Variants in UNC13B observed in about 807,000 individuals in gnomAD.
UNC13B encodes protein unc-13 homolog B.
UNC13B carries 144 observed loss-of-function variants against 211.0 expected under a neutral mutation model. That is an observed-to-expected ratio of 0.68 (90% CI 0.60 to 0.78). The LOEUF (loss-of-function observed/expected upper bound fraction) is 0.78. UNC13B is among the 30% of genes least tolerant of loss of function. UNC13B has a pLI of 0.00. For missense variants in UNC13B, 1,777 were observed against 2,002.0 expected (o/e 0.89, Z 2.14); for synonymous variants, 709 against 725.8 (o/e 0.98, Z 0.37).
At chr9:35,180,482 CTTTTTT>C (rs545028895) in intron 1 of UNC13B, among the ~76,000 whole-genome samples, 1 of 148,434 alleles carries the variant, frequency 6.7e-6, no homozygotes, top group Non-Finnish European at 1.5e-5. Flanking sequence ...ACAATTTATT[CTTTTTT>C]TTTTACTTGC....
At chr9:35,227,930 A>G (rs369183429) in intron 1 of UNC13B, 85 bp from the exon 2 acceptor site, 24 of 1,139,796 alleles carry the variant, frequency 2.1e-5, no homozygotes, top group Non-Finnish European at 3.1e-5. Flanking sequence ...TAGTTCTAAC[A>G]TTGGTATGTA....
intron 11 of UNC13B, among the ~76,000 whole-genome samples, chr9:35,330,889 C>T (rs920248108): frequency 6.6e-6 from 1 of 152,094 alleles, no homozygotes; most frequent in Non-Finnish European, 1.5e-5. Context: ...CAAGGGATGC[C>T]ATAATGTCAT....
chr9:35,397,712 G>A lies in UNC13B; in HGVS notation c.11754G>A (p.Leu3918=). The A allele has an allele frequency of 6.2e-7, 1 of 1,613,926 alleles. No homozygotes were observed. Among genetic ancestry groups the A allele is most frequent in the East Asian group, 2.2e-5 (1 of 44,880 alleles). ...DFPAYCTKEK[L]PCILMNNVQQ... ...CAGCCTATTGCACAAAGGAGAAACT[G>A]GTAGGTTCAGGCCCTGGGACTCTTA... Residue 3918 remains leucine, a splice_region_variant and synonymous_variant, in exon 30 of 40, where the codon CTG becomes CTA. Coordinates refer to ENST00000635942, the MANE Select transcript of UNC13B (RefSeq NM_001371189.2).
At chr9:35,272,828 C>G (rs552420826) in intron 7 of UNC13B, among the ~76,000 whole-genome samples, 1 of 152,198 alleles carries the variant, frequency 6.6e-6, no homozygotes, top group South Asian at 2.1e-4. Context: ...TGCAGTGTAC[C>G]TTTTATTAAT....
chr9:35,292,622 A>T (rs1318239632), intron 7 of UNC13B, among the ~76,000 whole-genome samples: 2 of 152,222 alleles, frequency 1.3e-5, no homozygotes, highest in Admixed American at 6.5e-5. Context: ...TTGCATAGCA[A>T]TTCAATATTT....
intron 37 of UNC13B, 69 bp from the exon 38 acceptor site, chr9:35,403,098 C>T: frequency 1.4e-6 from 2 of 1,457,288 alleles, no homozygotes; most frequent in Non-Finnish European, 1.9e-6. Flanking sequence ...AGGGTGGTGA[C>T]CTCCTCACCC....
In UNC13B at chr9:35,316,639, C is replaced by T. The variant is rs145041212; in HGVS notation, c.9414+2650C>T. On this transcript the variant is annotated intron_variant, in intron 11 of 39. Transcript: ENST00000635942. ...ATGAAGATTTTCAATGAGTTTTGAA[C>T]TTACTTGTTAAAAATATGAAAATAT... 2.4e-3 allele frequency among the ~76,000 whole-genome samples: 359 copies of T among 152,114 alleles called. 2 individuals carry two copies. The highest frequency in any genetic ancestry group is 8.2e-3 in the African/African-American group (341 of 41,494).
Position 35,273,830 on chromosome 9 carries a change from G to A in UNC13B, c.526+14780G>A, listed in dbSNP as rs570803407. On this transcript the variant is annotated intron_variant, in intron 7 of 39. Transcript: ENST00000635942. Reference sequence around the variant, plus strand: ...GTTGGCCGCCTCTCAATGGAGGCTAGGACTTGCTTTCGTAGTTGGGTCTTA... The same window carrying A: ...GTTGGCCGCCTCTCAATGGAGGCTAAGACTTGCTTTCGTAGTTGGGTCTTA... Among the ~76,000 whole-genome samples, 36 of 152,356 alleles carry A rather than the reference G, an allele frequency of 2.4e-4. No individual in the cohort carries two copies. The South Asian group carries it at 2.7e-3, about 11-fold the overall frequency.
At chr9:35,187,298 G>T (rs2131328709) in intron 1 of UNC13B, among the ~76,000 whole-genome samples, 1 of 152,314 alleles carries the variant, frequency 6.6e-6, no homozygotes, top group East Asian at 1.9e-4. Context: ...GGCAGATGTT[G>T]CAGGATAATT....
intron 26 of UNC13B, 39 bp downstream of exon 26, chr9:35,390,753 A>G (rs749368175): frequency 1.3e-6 from 2 of 1,577,842 alleles, no homozygotes; most frequent in Non-Finnish European, 1.7e-6. Context: ...CCAGGCTCCT[A>G]GCCCAAGCTC....
At chr9:35,256,642 T>G (rs1429039093) in intron 6 of UNC13B, among the ~76,000 whole-genome samples, 1 of 152,210 alleles carries the variant, frequency 6.6e-6, no homozygotes, top group East Asian at 1.9e-4. Context: ...GAGTAGATTT[T>G]CAGATATTGA....
chr9:35,381,338 CTG>C, intron 19 of UNC13B, 123 bp downstream of exon 19: 1 of 1,011,040 alleles, frequency 9.9e-7, no homozygotes, highest in Non-Finnish European at 1.4e-6. Flanking sequence ...TTGATTCACT[CTG>C]TTACCCTGGA....
intron 13 of UNC13B, among the ~76,000 whole-genome samples, chr9:35,371,721 G>C (rs990092340): frequency 6.6e-6 from 1 of 151,714 alleles, no homozygotes; most frequent in Non-Finnish European, 1.5e-5. Context: ...TGGCTTTATG[G>C]CATAATACTC....
At chr9:35,397,363 C>T in intron 29 of UNC13B, 53 bp downstream of exon 29, 3 of 1,602,300 alleles carry the variant, frequency 1.9e-6, no homozygotes, top group Non-Finnish European at 2.6e-6. Context: ...CACTCACAGT[C>T]TCATCACAGG....
At chr9:35,313,675 A>C (rs538977191) in intron 10 of UNC13B, among the ~76,000 whole-genome samples, 1 of 151,460 alleles carries the variant, frequency 6.6e-6, no homozygotes, top group African/African-American at 2.4e-5. Context: ...TAAATAAATA[A>C]AAGAGGGAAC....
intron 15 of UNC13B, 98 bp downstream of exon 15, chr9:35,376,345 C>A: frequency 8.4e-7 from 1 of 1,192,604 alleles, no homozygotes; most frequent in East Asian, 2.5e-5. Flanking sequence ...CAATCATTCC[C>A]CCAGTCCACC....
chr9:35,201,100 GT>G (rs202186645), intron 1 of UNC13B, among the ~76,000 whole-genome samples: 2,570 of 152,196 alleles, frequency 0.017, 57 homozygotes, highest in African/African-American at 0.059. Context: ...TAATCATGTG[GT>G]TTTTGTCTTT....
chr9:35,269,129 C>CACTT (rs1253614469), intron 7 of UNC13B, among the ~76,000 whole-genome samples: 2 of 152,158 alleles, frequency 1.3e-5, no homozygotes, highest in Non-Finnish European at 2.9e-5. Context: ...GACTGCCTCC[C>CACTT]ACTTTAGAGA....
chr9:35,382,978 A>G (rs1214899802), intron 21 of UNC13B, among the ~76,000 whole-genome samples: 1 of 152,218 alleles, frequency 6.6e-6, no homozygotes, highest in African/African-American at 2.4e-5. Context: ...TATGCGGACT[A>G]TACTAATAGC....
Sources: allele counts gnomAD v4.1 joint callset (sites outside exome capture counted in the v4.1 genomes callset), GRCh38; gene constraint gnomAD v4.1.1; transcripts MANE v1.5; gene names NCBI Gene and HGNC (gene_info 2026-07-23, HGNC 2026-07-21).